The following SCGB2B2 variants were observed in gnomAD, a reference collection of about 807,000 sequenced individuals.
The protein encoded by SCGB2B2 is secretoglobin family 2B member 2, also known as secretoglobin-like protein.
A neutral mutation model predicts 7.6 loss-of-function variants in SCGB2B2; 11 were observed. The observed-to-expected ratio is 1.45, with a 90% CI of 0.91 to 2.40. The LOEUF (loss-of-function observed/expected upper bound fraction) is 2.40, where lower values mean the gene tolerates loss of function less well. Ranked by LOEUF, SCGB2B2 falls within the 30% of genes most tolerant of loss-of-function variation. SCGB2B2 has a pLI of 0.00. For missense variants in SCGB2B2, 104 were observed against 115.4 expected, an observed-to-expected ratio of 0.90 and a Z score of 0.45; for synonymous variants, 50 against 48.6, an observed-to-expected ratio of 1.03 and a Z score of -0.12.
chr19:34,649,333 C>G (rs2067104371), intron 1 of SCGB2B2, among the ~76,000 whole-genome samples: 1 of 152,164 alleles, frequency 6.6e-6, no homozygotes, highest in Non-Finnish European at 1.5e-5. Flanking sequence ...CTTCCACGTG[C>G]CCATCTCAAG....
At chr19:34,631,120 G>C (rs556211893) in intron 1 of SCGB2B2, among the ~76,000 whole-genome samples, 1 of 126,368 alleles carries the variant, frequency 7.9e-6, no homozygotes, top group African/African-American at 2.9e-5. Flanking sequence ...GTTGTGGGGT[G>C]GGGGGAGGGG....
At chr19:34,601,528 T>C (rs1173164833) in intron 1 of SCGB2B2, among the ~76,000 whole-genome samples, 1 of 152,238 alleles carries the variant, frequency 6.6e-6, no homozygotes, top group African/African-American at 2.4e-5. Flanking sequence ...TACCTATGTA[T>C]CTCTGTACCA....
rs3055684 is a variant in SCGB2B2 at position 34,594,652 on chromosome 19, CGTGTGTGTGTGTGTGTGTGTGTGT to C, written c.-113_-90del. 9.4e-5 allele frequency: 62 copies of C among 659,334 alleles called. No homozygotes were observed. The highest frequency in any genetic ancestry group is 8.8e-4 in the Admixed American group (39 of 44,146). The allele number at this position is 659,334 out of a possible 1,614,324, so 40.8% of individuals were successfully genotyped here. ...TATCTGAACAAGGCACATGCCTCTT[CGTGTGTGTGTGTGTGTGTGTGTGT>C]GTGTGTGTGTGTGTGTGTGTGTGTG... On this transcript the variant is annotated 5_prime_UTR_variant, in exon 2 of 4. Transcript: ENST00000601241.
intron 1 of SCGB2B2, among the ~76,000 whole-genome samples, chr19:34,641,957 G>A (rs956251606): frequency 7.2e-5 from 11 of 151,820 alleles, no homozygotes; most frequent in African/African-American, 2.7e-4. Context: ...TCTTCCTCAT[G>A]TCAGTGATTT....
At position 34,605,960 on chromosome 19, in the gene SCGB2B2, C is replaced by T. The variant is rs558758604; in HGVS notation, c.-2031-9366G>A. Among the ~76,000 whole-genome samples the T allele has an allele frequency of 2.0e-5, 3 of 152,080 alleles. No homozygotes were observed. In the South Asian group the frequency reaches 6.2e-4, roughly 32 times the overall value. On this transcript the variant is annotated intron_variant, in intron 1 of 3. Coordinates refer to ENST00000601241, the MANE Select transcript of SCGB2B2 (RefSeq NM_001025591.4). Reference sequence around the variant, plus strand: ...TTCATTTTTTCAGATGTTTTAATTACTGGAAATAAGATTACCCAATTTGTT... The same window carrying T: ...TTCATTTTTTCAGATGTTTTAATTATTGGAAATAAGATTACCCAATTTGTT...
rs1292076213 is a variant in SCGB2B2, at chr19:34,595,148, C to G, written c.-585G>C. ...AAGTGTGTTAGGGACACATGTGACACAGTGAAGGGATCCTACATGTTGGGG... is the reference window on the plus strand; with the variant it reads ...AAGTGTGTTAGGGACACATGTGACAGAGTGAAGGGATCCTACATGTTGGGG... On this transcript the variant is annotated 5_prime_UTR_variant, in exon 2 of 4. Transcript: ENST00000601241. The G allele has an allele frequency of 1.3e-5, 2 of 153,480 alleles. No individual in the cohort carries two copies. Among genetic ancestry groups the G allele is most frequent in the Admixed American group, 6.5e-5 (1 of 15,486 alleles). 9.5% of individuals were successfully genotyped at this position (153,480 alleles called of 1,614,324 possible). A position where few individuals can be genotyped will look rare whatever the true frequency, so the allele number is the denominator to read the frequency against.
intron 1 of SCGB2B2, among the ~76,000 whole-genome samples, chr19:34,668,121 T>G (rs2067688145): frequency 6.6e-6 from 1 of 152,230 alleles, no homozygotes; most frequent in African/African-American, 2.4e-5. Flanking sequence ...AGCCCAGCGC[T>G]GCACTGTGGG....
At chr19:34,673,926 G>C (rs894970026) in intron 1 of SCGB2B2, among the ~76,000 whole-genome samples, 1 of 152,150 alleles carries the variant, frequency 6.6e-6, no homozygotes, top group African/African-American at 2.4e-5. Context: ...CTTCCCTAAC[G>C]ATGGGGCATT....
intron 1 of SCGB2B2, among the ~76,000 whole-genome samples, chr19:34,623,372 G>A (rs936154089): frequency 2.0e-5 from 3 of 152,182 alleles, no homozygotes; most frequent in Non-Finnish European, 2.9e-5. Context: ...AAAGAGAGGG[G>A]AGAAAAGGCA....
chr19:34,597,390 T>G (rs1396380472), intron 1 of SCGB2B2, among the ~76,000 whole-genome samples: 2 of 151,696 alleles, frequency 1.3e-5, no homozygotes, highest in Admixed American at 1.3e-4. Flanking sequence ...ACATTGGGGG[T>G]GGTGGTGGCT....
At chr19:34,651,462 A>C (rs562639426) in intron 1 of SCGB2B2, among the ~76,000 whole-genome samples, 3 of 151,548 alleles carry the variant, frequency 2.0e-5, no homozygotes, top group Admixed American at 2.0e-4. Flanking sequence ...TCAACGTATT[A>C]AAAGCAGTAC....
chr19:34,593,910 G>A (rs1157102013), intron 3 of SCGB2B2, among the ~76,000 whole-genome samples: 4 of 152,088 alleles, frequency 2.6e-5, no homozygotes, highest in Non-Finnish European at 5.9e-5. Context: ...CAGTGATTGT[G>A]GTTCCCTGCA....
intron 1 of SCGB2B2, among the ~76,000 whole-genome samples, chr19:34,627,795 C>T (rs916887694): frequency 6.6e-6 from 1 of 152,198 alleles, no homozygotes; most frequent in Non-Finnish European, 1.5e-5. Context: ...CAGAACTCTC[C>T]ACCCCAAATC....
chr19:34,630,289 T>C (rs1046121134), intron 1 of SCGB2B2, among the ~76,000 whole-genome samples: 1 of 151,890 alleles, frequency 6.6e-6, no homozygotes, highest in Non-Finnish European at 1.5e-5. Context: ...AAAGAGCTTC[T>C]GCACAGCAAA....
chr19:34,593,324 A>G lies in SCGB2B2; in HGVS notation c.*231T>C, dbSNP rs2065346687. The stretch of plus-strand genomic sequence containing the variant: ...CCTCCCCGCCAAAAAGAAAACAGGC[A>G]TGTCTATGCTACACCTGTAGAGTTT... On this transcript the variant is annotated 3_prime_UTR_variant, in exon 4 of 4. Transcript: ENST00000601241. 2.2e-6 allele frequency: 1 copy of G among 460,858 alleles called. No homozygotes were observed. The highest frequency in any genetic ancestry group is 4.2e-5 in the South Asian group (1 of 23,892). 28.5% of individuals were successfully genotyped at this position (460,858 alleles called of 1,614,324 possible). A position where few individuals can be genotyped will look rare whatever the true frequency, so the allele number is the denominator to read the frequency against.
chr19:34,607,620 TTGTCTTTTGGATAGAAACCATGCTAA>T (rs2065817512), intron 1 of SCGB2B2, among the ~76,000 whole-genome samples: 1 of 152,254 alleles, frequency 6.6e-6, no homozygotes, highest in Non-Finnish European at 1.5e-5. Context: ...TTACGATTTC[TTGTCTTTTGGATAGAAACCATGCTAA>T]TGTGTGTAAG....
At chr19:34,608,100 A>C (rs1029516438) in intron 1 of SCGB2B2, among the ~76,000 whole-genome samples, 2 of 152,098 alleles carry the variant, frequency 1.3e-5, no homozygotes, top group African/African-American at 4.8e-5. Flanking sequence ...TGAAAGTATG[A>C]AGTCATTTTA....
chr19:34,594,646 C>A lies in SCGB2B2; in HGVS notation c.-83G>T, dbSNP rs1047420976. 75 of 933,662 alleles carry A rather than the reference C, an allele frequency of 8.0e-5. No homozygotes were observed. Among genetic ancestry groups the A allele is most frequent in the Non-Finnish European group, 1.3e-4 (73 of 581,474 alleles). 57.8% of individuals were successfully genotyped at this position (933,662 alleles called of 1,614,324 possible). ...TATGTATATCTGAACAAGGCACATG[C>A]CTCTTCGTGTGTGTGTGTGTGTGTG... On this transcript the variant is annotated 5_prime_UTR_variant, in exon 2 of 4. Transcript: ENST00000601241.
chr19:34,665,068 A>T (rs1238873565), intron 1 of SCGB2B2, among the ~76,000 whole-genome samples: 1 of 152,108 alleles, frequency 6.6e-6, no homozygotes, highest in Non-Finnish European at 1.5e-5. Flanking sequence ...CTGACCCTGG[A>T]CCTGCCCTGG....
Sources: gnomAD v4.1 joint callset for allele counts (sites outside exome capture counted in the v4.1 genomes callset) on GRCh38, gnomAD v4.1.1 for gene constraint, MANE v1.5 for transcripts, NCBI Gene and HGNC (gene_info 2026-07-23, HGNC 2026-07-21) for gene names.